Variants in PCDHGA7 observed in about 807,000 individuals in gnomAD.
PCDHGA7 encodes protocadherin gamma subfamily A, 7.
PCDHGA7 carries 44 observed loss-of-function variants against 58.3 expected under a neutral mutation model. That is an observed-to-expected ratio of 0.75 (90% CI 0.59 to 0.97). The LOEUF is 0.97. PCDHGA7 is among the 50% of genes least tolerant of loss of function. PCDHGA7 has a pLI of 0.00. For missense variants in PCDHGA7, 1,266 were observed against 1,188.7 expected, an observed-to-expected ratio of 1.06 and a Z score of -0.96; for synonymous variants, 516 against 504.2, an observed-to-expected ratio of 1.02 and a Z score of -0.31.
chr5:141,437,741 CTTT>C (rs35124340), intron 1 of PCDHGA7, among the ~76,000 whole-genome samples: 1 of 141,708 alleles, frequency 7.1e-6, no homozygotes. Context: ...TTGAGTTCAC[CTTT>C]TTTTTTTTTT....
At chr5:141,464,604 G>A (rs1445968596) in intron 1 of PCDHGA7, among the ~76,000 whole-genome samples, 1 of 152,106 alleles carries the variant, frequency 6.6e-6, no homozygotes, top group East Asian at 1.9e-4. Context: ...AGTCTCCTTT[G>A]CAGAGTATAT....
chr5:141,423,061 G>T, intron 1 of PCDHGA7: 2 of 1,614,160 alleles, frequency 1.2e-6, no homozygotes, highest in Non-Finnish European at 1.7e-6. Context: ...CCTGCTTAAG[G>T]CCAGCGAGCC....
chr5:141,425,949 C>T (rs2096905190), intron 1 of PCDHGA7, among the ~76,000 whole-genome samples: 1 of 152,224 alleles, frequency 6.6e-6, no homozygotes. Flanking sequence ...GTTTCCTATA[C>T]ATTAGTCCAA....
At chr5:141,472,058 C>T (rs149583469) in intron 1 of PCDHGA7, among the ~76,000 whole-genome samples, 114 of 152,176 alleles carry the variant, frequency 7.5e-4, no homozygotes, top group African/African-American at 2.6e-3. Context: ...AAATGATTGA[C>T]ATGTCTGTGG....
At chr5:141,394,610 C>T in intron 1 of PCDHGA7, 1 of 1,613,488 alleles carries the variant, frequency 6.2e-7, no homozygotes, top group African/African-American at 1.3e-5. Flanking sequence ...GAGACTCGGG[C>T]CAGAACGCCT....
At chr5:141,403,784 G>T in intron 1 of PCDHGA7, 1 of 1,613,906 alleles carries the variant, frequency 6.2e-7, no homozygotes, top group Non-Finnish European at 8.5e-7. Context: ...CGGAAAAGTG[G>T]CATACAAATT....
chr5:141,401,655 A>G (rs1011518295), intron 1 of PCDHGA7, among the ~76,000 whole-genome samples: 2 of 152,232 alleles, frequency 1.3e-5, no homozygotes, highest in South Asian at 2.1e-4. Context: ...AAATGACTGG[A>G]TGTTTTCTCA....
intron 2 of PCDHGA7, among the ~76,000 whole-genome samples, chr5:141,499,326 C>T (rs1465474737): frequency 6.6e-6 from 1 of 152,156 alleles, no homozygotes. Context: ...TATCCCTGCT[C>T]TCTCTCAGTT....
At position 141,385,016 on chromosome 5, in the gene PCDHGA7, C is replaced by T. The variant is rs536780147; in HGVS notation, c.2117C>T (p.Ala706Val). The T allele has an allele frequency of 1.2e-6, 2 of 1,614,068 alleles. No homozygotes were observed. Among genetic ancestry groups the T allele is most frequent in the African/African-American group, 1.3e-5 (1 of 74,952 alleles). ...AVATVSCVFL[A>V]FVLVLLALRL... ...GCCACAGTCTCCTGCGTCTTCCTAGCCTTCGTCCTCGTACTGCTGGCGCTC... is the reference window on the plus strand; with the variant it reads ...GCCACAGTCTCCTGCGTCTTCCTAGTCTTCGTCCTCGTACTGCTGGCGCTC... Residue 706 changes from alanine to valine, a missense_variant, in exon 1 of 4, where the codon GCC (alanine) becomes GTC (valine). Ala to Val is a moderately conservative substitution (Grantham distance 64). Coordinates refer to ENST00000518325, the MANE Select transcript of PCDHGA7 (RefSeq NM_018920.4).
At chr5:141,389,918 C>T (rs1341057088) in intron 1 of PCDHGA7, 1 of 1,614,086 alleles carries the variant, frequency 6.2e-7, no homozygotes, top group Non-Finnish European at 8.5e-7. Context: ...ACCGCCCCGA[C>T]CCCTCTGACC....
At chr5:141,408,226 GCGCCGGGCCGGCC>G (rs2095062452) in intron 1 of PCDHGA7, 1 of 1,562,288 alleles carries the variant, frequency 6.4e-7, no homozygotes, top group South Asian at 1.2e-5. Flanking sequence ...GCGCGCAGAG[GCGCCGGGCCGGCC>G]CGCGGCAGGT....
intron 1 of PCDHGA7, chr5:141,393,024 A>G (rs755325492): frequency 6.2e-7 from 1 of 1,613,834 alleles, no homozygotes; most frequent in East Asian, 2.2e-5. Context: ...CTCCAGAGGT[A>G]GGACGCAGCT....
Position 141,388,949 on chromosome 5 carries a change from G to A in PCDHGA7, c.2424+3626G>A. The A allele has an allele frequency of 6.2e-7, 1 of 1,613,986 alleles. No homozygotes were observed. The highest frequency in any genetic ancestry group is 8.5e-7 in the Non-Finnish European group (1 of 1,179,876). On this transcript the variant is annotated intron_variant, in intron 1 of 3. Coordinates refer to ENST00000518325, the MANE Select transcript of PCDHGA7 (RefSeq NM_018920.4). ...TCCAGTCTCTACCCAACCTAATTAT[G>A]GAGGACGCCGAGCTGGGAACACATA...
At position 141,511,575 on chromosome 5, in the gene PCDHGA7, T is replaced by C. The variant is rs930675653; in HGVS notation, c.*402T>C. On this transcript the variant is annotated 3_prime_UTR_variant, in exon 4 of 4. Transcript: ENST00000518325. ...AGTTCCTCTTTCCCGAGTAAGGTGG[T>C]TGGGGTGTTGAAGTACCAAGTAACC... 28 of 287,258 alleles carry C rather than the reference T, an allele frequency of 9.7e-5. No individual in the cohort carries two copies. Among genetic ancestry groups the C allele is most frequent in the Middle Eastern group, 1.3e-3 (1 of 784 alleles). The allele number at this position is 287,258 out of a possible 1,614,324, so 17.8% of individuals were successfully genotyped here.
Position 141,437,358 on chromosome 5 carries a change from T to C in PCDHGA7, c.2424+52035T>C, listed in dbSNP as rs115917828. ...CTTCACTGTTTTATAGTACCTAAAATTGGAATGTAATCAGTCAGAAGACAT... is the reference window on the plus strand; with the variant it reads ...CTTCACTGTTTTATAGTACCTAAAACTGGAATGTAATCAGTCAGAAGACAT... On this transcript the variant is annotated intron_variant, in intron 1 of 3. Coordinates refer to ENST00000518325, the MANE Select transcript of PCDHGA7 (RefSeq NM_018920.4). 4.6e-3 allele frequency among the ~76,000 whole-genome samples: 702 copies of C among 152,356 alleles called. 4 individuals carry two copies. Among genetic ancestry groups the C allele is most frequent in the African/African-American group, 0.015 (639 of 41,574 alleles).
At chr5:141,433,877 A>G (rs1481965040) in intron 1 of PCDHGA7, among the ~76,000 whole-genome samples, 5 of 151,470 alleles carry the variant, frequency 3.3e-5, no homozygotes, top group Admixed American at 6.6e-5. Context: ...AGTTTCATCC[A>G]TTGATGACAC....
At chr5:141,494,979 T>C in intron 2 of PCDHGA7, 114 bp downstream of exon 2, 1 of 1,571,464 alleles carries the variant, frequency 6.4e-7, no homozygotes, top group Admixed American at 1.8e-5. Flanking sequence ...TCCCTCAGTT[T>C]GAGATCCCAG....
intron 1 of PCDHGA7, chr5:141,415,435 C>A: frequency 1.2e-6 from 2 of 1,614,202 alleles, no homozygotes; most frequent in Non-Finnish European, 8.5e-7. Context: ...TCGGGCTTTC[C>A]TGCAGACCTA....
chr5:141,383,890 G>A lies in PCDHGA7; in HGVS notation c.991G>A (p.Ala331Thr), dbSNP rs1274384804. 3.1e-6 allele frequency: 5 copies of A among 1,613,936 alleles called. No individual in the cohort carries two copies. Among genetic ancestry groups the A allele is most frequent in the Non-Finnish European group, 4.2e-6 (5 of 1,179,896 alleles). Residue 331 changes from alanine (A) to threonine (T), a missense_variant, in exon 1 of 4, where the codon GCA becomes ACA. Transcript: ENST00000518325. The stretch of plus-strand genomic sequence containing the variant: ...AGATGGTCCTGGTAGTCTGACAAAG[G>A]CAAAAGTACTGATCACAGTTTTAGA... ...AQDGPGSLTK[A>T]KVLITVLDVN...
Sources: allele counts gnomAD v4.1 joint callset (sites outside exome capture counted in the v4.1 genomes callset), GRCh38; gene constraint gnomAD v4.1.1; transcripts MANE v1.5; gene names NCBI Gene and HGNC (gene_info 2026-07-23, HGNC 2026-07-21).